VPS37A: variants seen among roughly 807,000 people sequenced by gnomAD.
VPS37A encodes the protein vacuolar protein sorting-associated protein 37A.
Under a neutral mutation model 49.8 loss-of-function variants are expected in VPS37A, and 30 were observed. That is an observed-to-expected ratio of 0.60 (90% CI 0.45 to 0.82). VPS37A has a LOEUF of 0.82. Ranked by LOEUF, VPS37A falls within the 40% of genes least tolerant of loss-of-function variation. The pLI is 0.00. For synonymous variants in VPS37A, 195 were observed against 160.6 expected, an observed-to-expected ratio of 1.21 and a Z score of -1.62; for missense variants, 593 against 464.4, an observed-to-expected ratio of 1.28 and a Z score of -2.55.
chr8:17,274,918 A>G lies in VPS37A; in HGVS notation c.602A>G (p.Asn201Ser). ...GCTCCTTCATTTGGTGTCCTTTCAA[A>G]TCTGCCATTACCCATTCCCACAGTG... is the stretch of plus-strand genomic sequence containing the variant. ...PAAPSFGVLS[N>S]LPLPIPTVDA... The change falls in exon 5 of 12, where the codon AAT becomes AGT. Residue 201 changes from asparagine (N) to serine (S), a missense_variant. Transcript: ENST00000324849. 2 of 1,614,120 alleles carry G rather than the reference A, an allele frequency of 1.2e-6. No homozygotes were observed. The highest frequency in any genetic ancestry group is 8.5e-7 in the Non-Finnish European group (1 of 1,180,000).
chr8:17,254,199 A>T (rs1484996714), intron 1 of VPS37A, among the ~76,000 whole-genome samples: 1 of 152,028 alleles, frequency 6.6e-6, no homozygotes, highest in Non-Finnish European at 1.5e-5. Context: ...TGTTTGCCAT[A>T]GTCTGCTTCT....
the VPS37A span, among the ~76,000 whole-genome samples, chr8:17,312,933 G>T: frequency 6.6e-6 from 1 of 152,190 alleles, no homozygotes; most frequent in Non-Finnish European, 1.5e-5. Flanking sequence ...TTTTGCTTAT[G>T]CCATGACTAA....
intron 5 of VPS37A, 36 bp downstream of exon 5, chr8:17,274,994 G>T: frequency 3.2e-6 from 5 of 1,578,278 alleles, no homozygotes; most frequent in South Asian, 1.1e-5. Flanking sequence ...TTGTGCCACT[G>T]AAACATTCAT....
Position 17,247,024 on chromosome 8 carries a change from T to TC in VPS37A, c.-219dup, listed in dbSNP as rs904291498. On this transcript the variant is annotated 5_prime_UTR_variant, in exon 1 of 12. Coordinates refer to ENST00000324849, the MANE Select transcript of VPS37A (RefSeq NM_152415.3). ...GGGCCGTGAAGGTGGGACCTCCTGT[T>TC]CCGGGCCGCAAGTTTCCCTCTCCAG... is the stretch of plus-strand genomic sequence containing the variant. 2 of 611,030 alleles carry TC rather than the reference T, an allele frequency of 3.3e-6. No homozygotes were observed. The highest frequency in any genetic ancestry group is 2.8e-6 in the Non-Finnish European group (1 of 353,786). The allele number at this position is 611,030 out of a possible 1,614,324, so 37.9% of individuals were successfully genotyped here.
chr8:17,304,695 A>G (rs1012533367), downstream of VPS37A, among the ~76,000 whole-genome samples: 5 of 150,824 alleles, frequency 3.3e-5, no homozygotes, highest in African/African-American at 9.9e-5. Flanking sequence ...GAACACTGTA[A>G]TAATCTCAAC....
intron 1 of VPS37A, chr8:17,247,658 A>T: frequency 1.4e-6 from 1 of 703,754 alleles, no homozygotes; most frequent in Non-Finnish European, 2.6e-6. Context: ...CTCATAGTCT[A>T]TTTCCAGTAT....
In VPS37A at chr8:17,270,408, G is replaced by C. The variant is rs183166522; in HGVS notation, c.416+1452G>C. Among the ~76,000 whole-genome samples, 32 of 152,244 alleles carry C rather than the reference G, an allele frequency of 2.1e-4. 2 individuals are homozygous for C. The East Asian group carries it at 6.2e-3, about 29-fold the overall frequency. ...GCAGTTAATGTTGGCTTAATGGTTA[G>C]ACTTCAGTGCTGATACATCTATATG... On this transcript the variant is annotated intron_variant, in intron 4 of 11. Transcript: ENST00000324849.
the VPS37A span, chr8:17,311,450 A>T: frequency 6.2e-7 from 1 of 1,605,844 alleles, no homozygotes; most frequent in Non-Finnish European, 8.5e-7. Context: ...TAGTTGTAAA[A>T]ACAGGGGTCC....
the VPS37A span, among the ~76,000 whole-genome samples, chr8:17,330,890 T>C: frequency 2.6e-5 from 4 of 152,182 alleles, no homozygotes; most frequent in African/African-American, 9.7e-5. Context: ...AACAAAAACA[T>C]CCCTGTGCAC....
chr8:17,322,902 C>G, the VPS37A span, among the ~76,000 whole-genome samples: 1 of 150,680 alleles, frequency 6.6e-6, no homozygotes, highest in Non-Finnish European at 1.5e-5. Context: ...TTGGTGCTTT[C>G]ATCTTAATGA....
At chr8:17,269,049 G>A (rs140688502) in intron 4 of VPS37A, 93 bp downstream of exon 4, 6 of 888,014 alleles carry the variant, frequency 6.8e-6, no homozygotes, top group Non-Finnish European at 1.0e-5. Flanking sequence ...TTAAAAATCA[G>A]TCCTCTGATT....
the VPS37A span, among the ~76,000 whole-genome samples, chr8:17,328,127 T>C: frequency 6.6e-6 from 1 of 152,086 alleles, no homozygotes; most frequent in Non-Finnish European, 1.5e-5. Context: ...AAAGTGAAAT[T>C]TTCTAGGTGA....
intron 2 of VPS37A, 45 bp downstream of exon 2, chr8:17,266,026 A>C (rs1813415161): frequency 1.3e-6 from 2 of 1,524,770 alleles, no homozygotes; most frequent in African/African-American, 1.4e-5. Flanking sequence ...AGGACTTAAC[A>C]GTTTTTTTAT....
the VPS37A span, among the ~76,000 whole-genome samples, chr8:17,317,277 C>G: frequency 1.3e-5 from 2 of 152,176 alleles, no homozygotes; most frequent in African/African-American, 4.8e-5. Context: ...GGCAGGCTTT[C>G]TTAGCTGCCA....
intron 10 of VPS37A, 96 bp downstream of exon 10, chr8:17,284,712 T>A: frequency 7.3e-7 from 1 of 1,362,816 alleles, no homozygotes; most frequent in Non-Finnish European, 9.9e-7. Flanking sequence ...TTCTCTATTA[T>A]GATATCATCC....
chr8:17,267,677 A>G (rs1259966397), intron 2 of VPS37A, among the ~76,000 whole-genome samples: 1 of 152,178 alleles, frequency 6.6e-6, no homozygotes, highest in Non-Finnish European at 1.5e-5. Context: ...GTTTCACAGC[A>G]TGTTATTTAT....
chr8:17,254,545 C>A (rs1812261721), intron 1 of VPS37A, among the ~76,000 whole-genome samples: 1 of 152,110 alleles, frequency 6.6e-6, no homozygotes, highest in African/African-American at 2.4e-5. Flanking sequence ...GGTTCAAGGG[C>A]TTAGAGGACC....
intron 1 of VPS37A, among the ~76,000 whole-genome samples, chr8:17,263,505 C>T (rs1563250424): frequency 7.2e-6 from 1 of 139,172 alleles, no homozygotes; most frequent in African/African-American, 3.0e-5. Context: ...ATTTGTGATA[C>T]TTAGTTTGTG....
chr8:17,264,865 C>A (rs1169182308), intron 1 of VPS37A, among the ~76,000 whole-genome samples: 3 of 152,052 alleles, frequency 2.0e-5, no homozygotes, highest in East Asian at 1.9e-4. Context: ...TTCAAGTGAG[C>A]CCCCAAAAGA....
Sources: gnomAD v4.1 joint callset for allele counts (sites outside exome capture counted in the v4.1 genomes callset) on GRCh38, gnomAD v4.1.1 for gene constraint, MANE v1.5 for transcripts, NCBI Gene and HGNC (gene_info 2026-07-23, HGNC 2026-07-21) for gene names.